The following SEMA5B variants were observed in gnomAD, a reference collection of about 807,000 sequenced individuals.
SEMA5B encodes the protein semaphorin-5B.
In SEMA5B, 66 loss-of-function variants were observed where a neutral mutation model predicts 135.0. The observed-to-expected ratio is 0.49, with a 90% CI of 0.40 to 0.60. The LOEUF (loss-of-function observed/expected upper bound fraction) is 0.60. Among genes scored for constraint, SEMA5B ranks in the 20% least tolerant of loss-of-function variants. The pLI, the probability that SEMA5B is intolerant of heterozygous loss-of-function variation, is 0.00. For synonymous variants in SEMA5B, 690 were observed against 639.5 expected, an observed-to-expected ratio of 1.08 and a Z score of -1.19; for missense variants, 1,501 against 1,566.3, an observed-to-expected ratio of 0.96 and a Z score of 0.70.
rs747854019 is a variant in SEMA5B at position 122,948,518 on chromosome 3, C to T, written c.316G>A (p.Val106Met). 1.1e-5 allele frequency: 17 copies of T among 1,602,974 alleles called. No individual in the cohort carries two copies. Among genetic ancestry groups the T allele is most frequent in the South Asian group, 5.5e-5 (5 of 90,320 alleles). ...AAGCAACTCTTACCTTCAAAGGCCA[C>T]GGTGGGGTGCTTGCTAAGGGCGCAC... is the stretch of plus-strand genomic sequence containing the variant. ...QLCALSKHPT[V>M]AFEDLQPWVS... The change falls in exon 3 of 23, where the codon GTG becomes ATG. Residue 106 changes from valine to methionine, a missense_variant. By Grantham distance (21) the Val-to-Met change is conservative. Transcript: ENST00000357599.
At chr3:122,995,854 T>C (rs750705400) in intron 1 of SEMA5B, among the ~76,000 whole-genome samples, 1 of 152,258 alleles carries the variant, frequency 6.6e-6, no homozygotes, top group Non-Finnish European at 1.5e-5. Flanking sequence ...CTCACCACTC[T>C]GAGCCTCCAT....
intron 1 of SEMA5B, among the ~76,000 whole-genome samples, chr3:123,002,741 G>A (rs556594356): frequency 4.7e-4 from 72 of 152,310 alleles, no homozygotes; most frequent in African/African-American, 1.7e-3. Flanking sequence ...TACTAAAAGA[G>A]GGATTCCTTT....
chr3:122,923,607 G>A lies in SEMA5B; in HGVS notation c.1272+10C>T, dbSNP rs1938482526. ...GTGTGAAGACAGGGAAAGAGGAGGA[G>A]ATTCTGTACCTGGAAATTGGGGATG... On this transcript the variant is annotated intron_variant, in intron 10 of 22. Transcript: ENST00000357599. 4 of 1,613,976 alleles carry A rather than the reference G, an allele frequency of 2.5e-6. No individual in the cohort carries two copies. Among genetic ancestry groups the A allele is most frequent in the Non-Finnish European group, 3.4e-6 (4 of 1,179,942 alleles).
At chr3:123,022,264 A>C (rs1942700423) in intron 1 of SEMA5B, among the ~76,000 whole-genome samples, 2 of 152,214 alleles carry the variant, frequency 1.3e-5, no homozygotes, top group African/African-American at 4.8e-5. Flanking sequence ...ACAGATGGTC[A>C]CTAAACATCC....
chr3:122,912,180 G>A lies in SEMA5B; in HGVS notation c.2888C>T (p.Ala963Val), dbSNP rs1381311028. The A allele has an allele frequency of 3.1e-6, 5 of 1,591,732 alleles. No individual in the cohort carries two copies. The highest frequency in any genetic ancestry group is 1.7e-5 in the Admixed American group (1 of 58,974). ...HTEEALCATQ[A>V]CPEGWSPWSE... ...CGGGATGTGCCTCATACCTGGGCAGGCCTGTGTGGCACATAGTGCCTCCTC... is the reference window on the plus strand; with the variant it reads ...CGGGATGTGCCTCATACCTGGGCAGACCTGTGTGGCACATAGTGCCTCCTC... The change falls in exon 19 of 23, where the codon GCC becomes GTC. Residue 963 changes from alanine to valine, a missense_variant. Ala to Val is a moderately conservative substitution (Grantham distance 64). This residue lies in a region of SEMA5B where 927 missense variants were observed against 881.6 expected (regional missense o/e 1.05). Transcript: ENST00000357599.
At chr3:122,942,973 A>C (rs767103232) in intron 4 of SEMA5B, among the ~76,000 whole-genome samples, 7 of 152,154 alleles carry the variant, frequency 4.6e-5, no homozygotes, top group Non-Finnish European at 1.0e-4. Flanking sequence ...TGAACAGTGG[A>C]CTAAGAGGTC....
intron 5 of SEMA5B, among the ~76,000 whole-genome samples, chr3:122,932,985 G>C (rs1413474192): frequency 6.6e-6 from 1 of 152,126 alleles, no homozygotes; most frequent in Non-Finnish European, 1.5e-5. Flanking sequence ...CTCCCAAAGT[G>C]CTGGGATTCT....
At chr3:122,950,953 A>G (rs1237710904) in intron 2 of SEMA5B, among the ~76,000 whole-genome samples, 1 of 152,202 alleles carries the variant, frequency 6.6e-6, no homozygotes, top group Non-Finnish European at 1.5e-5. Flanking sequence ...ATTTTTAGAG[A>G]GACAGGGTCT....
intron 3 of SEMA5B, among the ~76,000 whole-genome samples, chr3:122,945,699 G>A (rs1467244063): frequency 6.6e-6 from 1 of 152,148 alleles, no homozygotes; most frequent in Non-Finnish European, 1.5e-5. Context: ...AAATGAGGGA[G>A]GAGGTGGCAT....
rs1366136148 is a variant in SEMA5B, at chr3:122,928,977, G to A, written c.537+19C>T. 1 of 1,610,906 alleles carries A rather than the reference G, an allele frequency of 6.2e-7. No homozygotes were observed. The highest frequency in any genetic ancestry group is 8.5e-7 in the Non-Finnish European group (1 of 1,179,866). On this transcript the variant is annotated intron_variant, in intron 6 of 22. Transcript: ENST00000357599. ...CTTCCAGCTCCAGGTGGGGCCCCTG[G>A]ACCGCCGAGACCACGTACCTCAGTC...
At chr3:123,023,455 C>T (rs1942735491) in intron 1 of SEMA5B, among the ~76,000 whole-genome samples, 1 of 152,124 alleles carries the variant, frequency 6.6e-6, no homozygotes, top group Non-Finnish European at 1.5e-5. Context: ...AGTAACACTC[C>T]CTCCAAGCAC....
intron 12 of SEMA5B, among the ~76,000 whole-genome samples, chr3:122,918,957 T>C (rs930686475): frequency 1.4e-5 from 2 of 147,782 alleles, no homozygotes; most frequent in African/African-American, 4.9e-5. Flanking sequence ...GTCCTTTTCA[T>C]AAAGGAGCCA....
intron 1 of SEMA5B, among the ~76,000 whole-genome samples, chr3:122,991,081 A>C (rs572704527): frequency 1.3e-5 from 2 of 152,294 alleles, no homozygotes; most frequent in Admixed American, 1.3e-4. Flanking sequence ...GGTGGTACCC[A>C]ACAGTGGGAT....
chr3:123,000,874 T>G (rs1385779910), intron 1 of SEMA5B, among the ~76,000 whole-genome samples: 1 of 152,122 alleles, frequency 6.6e-6, no homozygotes, highest in Non-Finnish European at 1.5e-5. Context: ...TTCAGACACC[T>G]GCGTACGTGG....
chr3:123,015,944 A>G (rs368602076), intron 1 of SEMA5B, among the ~76,000 whole-genome samples: 1 of 152,320 alleles, frequency 6.6e-6, no homozygotes, highest in Non-Finnish European at 1.5e-5. Flanking sequence ...CTGTTCATCT[A>G]TGGCTTCGGC....
chr3:122,951,731 G>A (rs180722708), intron 2 of SEMA5B, among the ~76,000 whole-genome samples: 1 of 152,344 alleles, frequency 6.6e-6, no homozygotes, highest in East Asian at 1.9e-4. Context: ...GTCCTGGGCT[G>A]GCAGGTATGG....
At chr3:122,947,247 G>A (rs1449397974) in intron 3 of SEMA5B, among the ~76,000 whole-genome samples, 1 of 152,146 alleles carries the variant, frequency 6.6e-6, no homozygotes, top group African/African-American at 2.4e-5. Flanking sequence ...TGCAGGCTTA[G>A]GACATTGTTA....
At position 122,913,672 on chromosome 3, in the gene SEMA5B, A is replaced by G. The variant is rs1049975074; in HGVS notation, c.2142T>C (p.Asn714=). 3 of 1,613,462 alleles carry G rather than the reference A, an allele frequency of 1.9e-6. No homozygotes were observed. Among genetic ancestry groups the G allele is most frequent in the Non-Finnish European group, 8.5e-7 (1 of 1,179,924 alleles). Residue 714 remains asparagine (N), a synonymous_variant, in exon 16 of 23, where the codon AAT becomes AAC. Transcript: ENST00000357599. The part of the protein sequence containing the change: ...VGKSREERFC[N]ENTPCPVPIF... ...TGGGCACCGGGCAAGGCGTGTTCTC[A>G]TTACAGAACCTGGGGTCGGGGGAGA...
At chr3:122,941,009 T>C (rs1332253424) in intron 4 of SEMA5B, among the ~76,000 whole-genome samples, 1 of 152,116 alleles carries the variant, frequency 6.6e-6, no homozygotes, top group Non-Finnish European at 1.5e-5. Context: ...CGCAGTCAAC[T>C]CTCCTGGGAG....
Sources: allele counts gnomAD v4.1 joint callset (sites outside exome capture counted in the v4.1 genomes callset), GRCh38; gene constraint gnomAD v4.1.1; regional missense constraint gnomAD v4.1.1; transcripts MANE v1.5; gene names NCBI Gene and HGNC (gene_info 2026-07-23, HGNC 2026-07-21).